The following KAZN variants were observed in gnomAD, a reference collection of about 807,000 sequenced individuals.
The protein encoded by KAZN is kazrin.
In KAZN, 40 loss-of-function variants were observed where a neutral mutation model predicts 87.4. That is an observed-to-expected ratio of 0.46 (90% CI 0.36 to 0.60). The LOEUF is 0.60. Ranked by LOEUF, KAZN falls within the 20% of genes least tolerant of loss-of-function variation. The probability of loss-of-function intolerance (pLI) is 0.00; values close to 1 mark genes in which losing one functional copy is unlikely to be tolerated. For missense variants in KAZN, 898 were observed against 1,073.9 expected (o/e 0.84, Z 2.29); for synonymous variants, 466 against 458.3 (o/e 1.02, Z -0.22).
At chr1:14,389,573 T>C (rs1662244392) in intron 2 of KAZN, among the ~76,000 whole-genome samples, 1 of 152,156 alleles carries the variant, frequency 6.6e-6, no homozygotes, top group Non-Finnish European at 1.5e-5. Context: ...CTGGAGGCCA[T>C]TATGTTAAGT....
Position 15,043,971 on chromosome 1 carries a change from T to C in KAZN, c.556-18T>C. On this transcript the variant is annotated intron_variant, in intron 3 of 14. Transcript: ENST00000376030. ...TGGCTGTAACACCCACGGTGCTCTC[T>C]CCCTCTCCCACCCACAGGAGAGCGA... 1.3e-6 allele frequency: 2 copies of C among 1,596,646 alleles called. No homozygotes were observed. Among genetic ancestry groups the C allele is most frequent in the Non-Finnish European group, 8.5e-7 (1 of 1,169,778 alleles).
chr1:14,578,428 C>G (rs1675325647), intron 2 of KAZN, among the ~76,000 whole-genome samples: 1 of 152,014 alleles, frequency 6.6e-6, no homozygotes, highest in Admixed American at 6.6e-5. Flanking sequence ...AATTTAAATA[C>G]ACTAACTGAC....
chr1:14,482,499 C>T (rs1321990185), intron 2 of KAZN, among the ~76,000 whole-genome samples: 1 of 150,876 alleles, frequency 6.6e-6, no homozygotes, highest in Non-Finnish European at 1.5e-5. Flanking sequence ...ACTCTATTTG[C>T]TCATCTGTAA....
chr1:14,733,437 C>T (rs974473971), intron 1 of KAZN, among the ~76,000 whole-genome samples: 9 of 152,132 alleles, frequency 5.9e-5, no homozygotes, highest in African/African-American at 4.8e-5. Flanking sequence ...CAGCAGCCAC[C>T]GCCGCTGCAA....
chr1:14,467,771 G>T (rs1389091028), intron 2 of KAZN, among the ~76,000 whole-genome samples: 1 of 151,658 alleles, frequency 6.6e-6, no homozygotes, highest in African/African-American at 2.4e-5. Context: ...CTCACCTAAG[G>T]TTTCTTCTCT....
In KAZN at chr1:14,006,133, T is replaced by G. The variant is rs368039028; in HGVS notation, c.91+112377T>G. Among the ~76,000 whole-genome samples the G allele has an allele frequency of 1.7e-3, 262 of 152,372 alleles. 4 individuals are homozygous for G. Among genetic ancestry groups the G allele is most frequent in the South Asian group, 0.014 (69 of 4,830 alleles). The stretch of plus-strand genomic sequence containing the variant: ...TTTTTATTTTGTCTATTACTTCTTT[T>G]GTTGTAAAAAAGCTGTTTAATTTGT... On this transcript the variant is annotated intron_variant, in intron 1 of 16. Transcript: ENST00000636203.
At chr1:14,095,808 C>A (rs1570727201) in intron 1 of KAZN, among the ~76,000 whole-genome samples, 1 of 152,102 alleles carries the variant, frequency 6.6e-6, no homozygotes, top group Admixed American at 6.5e-5. Context: ...TCTCTTATGA[C>A]CTAGCCTTGA....
At chr1:14,165,439 C>G (rs1645804909) in intron 1 of KAZN, among the ~76,000 whole-genome samples, 1 of 152,158 alleles carries the variant, frequency 6.6e-6, no homozygotes, top group African/African-American at 2.4e-5. Context: ...TTAGCATGAA[C>G]TGCTGGCAGT....
At chr1:14,586,427 T>G (rs1675850227) in intron 2 of KAZN, among the ~76,000 whole-genome samples, 1 of 152,136 alleles carries the variant, frequency 6.6e-6, no homozygotes, top group African/African-American at 2.4e-5. Flanking sequence ...CTACTCCATG[T>G]GTAGGTCATC....
chr1:14,053,391 C>A (rs1642421883), intron 1 of KAZN, among the ~76,000 whole-genome samples: 5 of 152,308 alleles, frequency 3.3e-5, no homozygotes, highest in South Asian at 2.1e-4. Flanking sequence ...GAGTGGAGAA[C>A]CCAGCTAAGC....
intron 2 of KAZN, among the ~76,000 whole-genome samples, chr1:14,215,097 T>C (rs1236931945): frequency 1.3e-5 from 2 of 152,232 alleles, no homozygotes; most frequent in Non-Finnish European, 2.9e-5. Context: ...CTTGGAGTAA[T>C]GTGTACATTA....
intron 2 of KAZN, among the ~76,000 whole-genome samples, chr1:14,336,465 A>T (rs1657279803): frequency 6.6e-6 from 1 of 152,264 alleles, no homozygotes; most frequent in East Asian, 1.9e-4. Context: ...AATCCTTTTG[A>T]GTATATATCT....
chr1:14,010,303 C>T (rs188804284), intron 1 of KAZN, among the ~76,000 whole-genome samples: 56 of 152,282 alleles, frequency 3.7e-4, no homozygotes, highest in Admixed American at 1.3e-4. Context: ...TATAAAACCT[C>T]TGTTGTGTTA....
At chr1:14,675,534 G>A (rs1572195646) in intron 1 of KAZN, among the ~76,000 whole-genome samples, 1 of 152,158 alleles carries the variant, frequency 6.6e-6, no homozygotes, top group East Asian at 1.9e-4. Flanking sequence ...CAGTCAAGGA[G>A]GGCAGGAGGC....
rs191471618 is a variant in KAZN at position 14,850,480 on chromosome 1, A to C, written c.227-110204A>C. Among the ~76,000 whole-genome samples, 5 of 152,320 alleles carry C rather than the reference A, an allele frequency of 3.3e-5. No individual in the cohort carries two copies. In the East Asian group the frequency reaches 9.6e-4, roughly 29 times the overall value. Reference sequence around the variant, plus strand: ...TAACATCATCGCCATTTTACAGACGAGAAAACCAAGGCTTAGAGAGGTTAA... The same window carrying C: ...TAACATCATCGCCATTTTACAGACGCGAAAACCAAGGCTTAGAGAGGTTAA... On this transcript the variant is annotated intron_variant, in intron 1 of 14. Transcript: ENST00000376030.
chr1:14,413,618 A>C (rs1023266627), intron 2 of KAZN, among the ~76,000 whole-genome samples: 4 of 146,926 alleles, frequency 2.7e-5, no homozygotes, highest in African/African-American at 9.9e-5. Flanking sequence ...AAAAAAAAAA[A>C]ACGCATTTAA....
chr1:14,182,473 A>C (rs1273003285), intron 2 of KAZN, among the ~76,000 whole-genome samples: 1 of 152,140 alleles, frequency 6.6e-6, no homozygotes, highest in African/African-American at 2.4e-5. Context: ...TTCTTCTAAA[A>C]CCGCTAACTT....
intron 1 of KAZN, among the ~76,000 whole-genome samples, chr1:14,008,170 G>T (rs1640121817): frequency 6.6e-6 from 1 of 152,160 alleles, no homozygotes; most frequent in Admixed American, 6.5e-5. Context: ...TGAAATTTGA[G>T]TTGATCATGC....
At chr1:15,101,276 T>C (rs996875900) in intron 10 of KAZN, among the ~76,000 whole-genome samples, 1 of 151,486 alleles carries the variant, frequency 6.6e-6, no homozygotes, top group Non-Finnish European at 1.5e-5. Flanking sequence ...CTCTCTTTGT[T>C]CTCTCTTTCT....
Sources: gnomAD v4.1 joint callset for allele counts (sites outside exome capture counted in the v4.1 genomes callset) on GRCh38, gnomAD v4.1.1 for gene constraint, MANE v1.5 for transcripts, NCBI Gene and HGNC (gene_info 2026-07-23, HGNC 2026-07-21) for gene names.